NCOR2: variants seen among roughly 807,000 people sequenced by gnomAD.
NCOR2 encodes the protein nuclear receptor corepressor 2.
Under a neutral mutation model 262.9 loss-of-function variants are expected in NCOR2, and 81 were observed. That is an observed-to-expected ratio of 0.31 (90% CI 0.26 to 0.37). The LOEUF (loss-of-function observed/expected upper bound fraction) is 0.37, where lower values mean the gene tolerates loss of function less well. NCOR2 is among the 10% of genes least tolerant of loss of function. The pLI, the probability that NCOR2 is intolerant of heterozygous loss-of-function variation, is 1.00. For synonymous variants in NCOR2, 1,659 were observed against 1,559.3 expected, an observed-to-expected ratio of 1.06 and a Z score of -1.51; for missense variants, 3,385 against 3,621.4, an observed-to-expected ratio of 0.93 and a Z score of 1.68.
chr12:124,565,024 T>C (rs1011066375), intron 1 of NCOR2, among the ~76,000 whole-genome samples: 3 of 151,970 alleles, frequency 2.0e-5, no homozygotes, highest in African/African-American at 7.3e-5. Context: ...GCATGAGTAT[T>C]ATTAATTGGG....
At chr12:124,325,392 C>CCCCCGTT in exon 47 of NCOR2, 1 of 1,152,270 alleles carries the variant, frequency 8.7e-7, no homozygotes, top group Non-Finnish European at 1.1e-6. Context: ...CCCCCCCGCC[C>CCCCCGTT]TGTTCTGAGT....
At chr12:124,413,287 G>A (rs2042686682) in intron 13 of NCOR2, among the ~76,000 whole-genome samples, 1 of 152,234 alleles carries the variant, frequency 6.6e-6, no homozygotes, top group South Asian at 2.1e-4. Context: ...CTGCAGCGTG[G>A]AATCAGGGCA....
At chr12:124,527,976 C>G (rs2050571937) in intron 1 of NCOR2, among the ~76,000 whole-genome samples, 1 of 152,208 alleles carries the variant, frequency 6.6e-6, no homozygotes, top group South Asian at 2.1e-4. Flanking sequence ...TGCGGGGCAC[C>G]ATGTTTGTCA....
At chr12:124,334,052 A>T (rs1023768362) in intron 41 of NCOR2, among the ~76,000 whole-genome samples, 5 of 117,586 alleles carry the variant, frequency 4.3e-5, no homozygotes, top group Non-Finnish European at 1.0e-4. Context: ...CTAATCATAC[A>T]GCCCTGGAAC....
At position 124,393,543 on chromosome 12, in the gene NCOR2, T is replaced by TCATGGGGCCACACTGCCCCTGC. The variant is rs573183793; in HGVS notation, c.1876+4554_1876+4575dup. On this transcript the variant is annotated intron_variant, in intron 16 of 46. Coordinates refer to ENST00000405201, the Ensembl canonical transcript of NCOR2. ...CTACCTTCTGGGATTCAACCACTTCTCATGGGGCCACACTGCCCCTGCCAT... is the reference window on the plus strand; with the variant it reads ...CTACCTTCTGGGATTCAACCACTTCTCATGGGGCCACACTGCCCCTGCCATGGGGCCACACTGCCCCTGCCAT... Among the ~76,000 whole-genome samples, 28 of 152,338 alleles carry TCATGGGGCCACACTGCCCCTGC rather than the reference T, an allele frequency of 1.8e-4. No homozygotes were observed. The South Asian group carries it at 5.6e-3, about 30-fold the overall frequency.
intron 1 of NCOR2, among the ~76,000 whole-genome samples, chr12:124,557,149 C>T (rs750041638): frequency 4.6e-5 from 7 of 152,240 alleles, no homozygotes; most frequent in Non-Finnish European, 1.0e-4. Flanking sequence ...GTTTTACAGG[C>T]CTCCCCCTGG....
chr12:124,335,722 C>A (rs1057457209), intron 38 of NCOR2, 90 bp from the exon 41 acceptor site: 20 of 1,435,008 alleles, frequency 1.4e-5, no homozygotes, highest in Non-Finnish European at 1.7e-5. Flanking sequence ...GGCTGGGACC[C>A]CGGGGGGGTC....
intron 1 of NCOR2, chr12:124,514,498 A>T (rs2049597717): frequency 6.6e-6 from 1 of 151,684 alleles, no homozygotes; most frequent in South Asian, 2.1e-4. Flanking sequence ...AGGCGCCATT[A>T]GCAGAGGCCT....
In NCOR2 at chr12:124,441,115, C is replaced by T. The variant is rs574654712; in HGVS notation, c.816-3119G>A. On this transcript the variant is annotated intron_variant, in intron 7 of 46. Transcript: ENST00000405201. ...GGCCTAGAAGCAGTGAAGGCCCAGG[C>T]GCCATGAGCACAGCAGCACCCATAT... is the stretch of plus-strand genomic sequence containing the variant. Among the ~76,000 whole-genome samples the T allele has an allele frequency of 2.2e-3, 334 of 152,182 alleles. 2 individuals carry two copies. Among genetic ancestry groups the T allele is most frequent in the African/African-American group, 7.5e-3 (313 of 41,536 alleles).
intron 13 of NCOR2, among the ~76,000 whole-genome samples, chr12:124,406,778 G>C (rs572909354): frequency 3.9e-5 from 6 of 152,288 alleles, no homozygotes; most frequent in Admixed American, 1.3e-4. Context: ...CCTGCCCCCA[G>C]ATCTGGACAC....
At chr12:124,337,579 C>T (rs752273293) in intron 37 of NCOR2, among the ~76,000 whole-genome samples, 13 of 152,178 alleles carry the variant, frequency 8.5e-5, no homozygotes, top group African/African-American at 1.2e-4. Context: ...CAGGAGAGAA[C>T]GGCAAGGAAG....
At chr12:124,495,309 C>T, upstream of NCOR2, 1 of 1,547,532 alleles carries the variant, frequency 6.5e-7, no homozygotes, top group South Asian at 1.2e-5. The surrounding 1 kb of genome is among the most constrained non-coding windows in gnomAD (Gnocchi z 4.4). Context: ...CTCTTAATCA[C>T]CACCAAGGAT....
rs1292064497 is a variant in NCOR2, at chr12:124,333,899, C to CATGTGTGCGGGTGTGCATGTGTGTGTGT, written c.6605+524_6605+525insACACACACACATGCACACCCGCACACAT. ...GTGCGGGTGTGCATGTGTGTGTGCG[C>CATGTGTGCGGGTGTGCATGTGTGTGTGT]GCGCATGTGTGCGGGTGTGCATGTG... On this transcript the variant is annotated intron_variant, in intron 41 of 46. Transcript: ENST00000405201. Among the ~76,000 whole-genome samples, 10 of 90,792 alleles carry CATGTGTGCGGGTGTGCATGTGTGTGTGT rather than the reference C, an allele frequency of 1.1e-4. 1 individual carries two copies. Among genetic ancestry groups the CATGTGTGCGGGTGTGCATGTGTGTGTGT allele is most frequent in the Non-Finnish European group, 1.8e-4 (7 of 39,470 alleles). 59.6% of individuals were successfully genotyped at this position (90,792 alleles called of 152,430 possible). A position where few individuals can be genotyped will look rare whatever the true frequency, so the allele number is the denominator to read the frequency against.
Position 124,402,101 on chromosome 12 carries a change from T to G in NCOR2, c.1640+303A>C, listed in dbSNP as rs565284804. 9.9e-5 allele frequency among the ~76,000 whole-genome samples: 15 copies of G among 152,204 alleles called. No individual in the cohort carries two copies. In the South Asian group the frequency reaches 2.7e-3, roughly 27 times the overall value. On this transcript the variant is annotated intron_variant, in intron 14 of 46. Transcript: ENST00000405201. ...AGCAGGGAGGCAGAGAGTTCCAAAG[T>G]CATTGCCTGGATTTATTAGCTCAGG...
intron 37 of NCOR2, 139 bp from the exon 40 acceptor site, chr12:124,337,319 C>T (rs1184199572): frequency 1.0e-6 from 1 of 956,644 alleles, no homozygotes; most frequent in Admixed American, 2.0e-5. Flanking sequence ...TGACTGTAAC[C>T]TGCCAGACTC....
chr12:124,457,196 T>TA lies in NCOR2; in HGVS notation c.706-35dup. 2.0e-6 allele frequency: 3 copies of TA among 1,535,590 alleles called. No homozygotes were observed. The highest frequency in any genetic ancestry group is 1.2e-5 in the South Asian group (1 of 80,256). ...TGATGGCGAAGAGGAGGAATTTTTT[T>TA]AAAAAACAAAAAAACACAGATTATA... is the stretch of plus-strand genomic sequence containing the variant. On this transcript the variant is annotated intron_variant, in intron 5 of 46. Coordinates refer to ENST00000405201, the Ensembl canonical transcript of NCOR2. The surrounding 1 kb of genome is among the most constrained non-coding windows in gnomAD (Gnocchi z 4.0).
chr12:124,373,908 G>C (rs1007096129), intron 19 of NCOR2, among the ~76,000 whole-genome samples: 1 of 152,170 alleles, frequency 6.6e-6, no homozygotes, highest in Non-Finnish European at 1.5e-5. Flanking sequence ...GCGTGTGCAG[G>C]GGCCCCGGGC....
intron 16 of NCOR2, among the ~76,000 whole-genome samples, chr12:124,396,515 C>CTGGATACAG (rs1340867418): frequency 6.9e-6 from 1 of 143,976 alleles, no homozygotes; most frequent in Non-Finnish European, 1.5e-5. Context: ...GCCCTACCAG[C>CTGGATACAG]TGGATACAGT....
rs1232546947 is a variant in NCOR2 at position 124,335,287 on chromosome 12, G to A, written c.6266-7C>T. 1.9e-6 allele frequency: 3 copies of A among 1,583,472 alleles called. No individual in the cohort carries two copies. The highest frequency in any genetic ancestry group is 2.6e-6 in the Non-Finnish European group (3 of 1,166,794). ...CCGCCAAGCTTCACGGGGCCTGCAG[G>A]CAGAGCAGAGCTGGTCAGGGGGTGT... On this transcript the variant is annotated splice_polypyrimidine_tract_variant and splice_region_variant and intron_variant, in intron 39 of 46. Coordinates refer to ENST00000405201, the Ensembl canonical transcript of NCOR2.
Sources: gnomAD v4.1 joint callset for allele counts (sites outside exome capture counted in the v4.1 genomes callset) on GRCh38, gnomAD v4.1.1 for gene constraint, Gnocchi (gnomAD v3.1) non-coding constraint, MANE v1.5 for transcripts, NCBI Gene and HGNC (gene_info 2026-07-23, HGNC 2026-07-21) for gene names.